Variants in SNRNP70 observed in about 807,000 individuals in gnomAD.
SNRNP70 encodes the protein small nuclear ribonucleoprotein U1 subunit 70, also known as U1 small nuclear ribonucleoprotein 70 kDa.
A neutral mutation model predicts 50.5 loss-of-function variants in SNRNP70; 8 were observed. That is an observed-to-expected ratio of 0.16 (90% CI 0.09 to 0.29). The LOEUF is 0.29. Among genes scored for constraint, SNRNP70 ranks in the 10% least tolerant of loss-of-function variants. SNRNP70 has a pLI of 1.00. For synonymous variants in SNRNP70, 320 were observed against 252.9 expected (o/e 1.27, Z -2.52); for missense variants, 529 against 663.5 (o/e 0.80, Z 2.23).
chr19:49,089,772 C>T (rs1038926826), intron 2 of SNRNP70, among the ~76,000 whole-genome samples: 2 of 147,344 alleles, frequency 1.4e-5, no homozygotes, highest in African/African-American at 2.5e-5. Context: ...ATGCCATTCT[C>T]CTGCCTCAGC....
intron 4 of SNRNP70, among the ~76,000 whole-genome samples, chr19:49,092,076 C>CT (rs1376538142): frequency 2.0e-5 from 3 of 152,100 alleles, no homozygotes; most frequent in Non-Finnish European, 4.4e-5. Context: ...CAGTCACAGT[C>CT]TTAACTAGTT....
chr19:49,098,273 G>A (rs777843455), intron 4 of SNRNP70, among the ~76,000 whole-genome samples, 154 bp from the exon 5 acceptor site: 3 of 152,164 alleles, frequency 2.0e-5, no homozygotes, highest in Non-Finnish European at 2.9e-5. Context: ...AGAGAGGGGC[G>A]TCCCTGAGGT....
At position 49,107,497 on chromosome 19, in the gene SNRNP70, G is replaced by T. The variant is rs753868640; in HGVS notation, c.578-128G>T. The T allele has an allele frequency of 1.3e-5, 10 of 799,936 alleles. No homozygotes were observed. Among genetic ancestry groups the T allele is most frequent in the South Asian group, 4.7e-5 (3 of 63,292 alleles). 49.6% of individuals were successfully genotyped at this position (799,936 alleles called of 1,614,324 possible). A position where few individuals can be genotyped will look rare whatever the true frequency, so the allele number is the denominator to read the frequency against. ...GTGCGCGGGATGAACTGCACGGGGG[G>T]ACCCGGCCCTGTGAACACTAAGCCA... On this transcript the variant is annotated intron_variant, in intron 8 of 9. Transcript: ENST00000598441. The surrounding 1 kb of genome is among the most constrained non-coding windows in gnomAD (Gnocchi z 6.0).
intron 1 of SNRNP70, 104 bp downstream of exon 1, chr19:49,085,740 G>A (rs935321480): frequency 2.3e-6 from 1 of 433,364 alleles, no homozygotes; most frequent in South Asian, 1.6e-5. Context: ...CCTTTCCCGC[G>A]TCCCCGCCAC....
intron 7 of SNRNP70, chr19:49,103,926 C>T (rs1245497424): frequency 6.6e-6 from 1 of 152,164 alleles, no homozygotes; most frequent in Admixed American, 6.6e-5. Flanking sequence ...GAGGCAGAGT[C>T]AGTCGTCTCA....
chr19:49,091,850 C>T (rs1308954108), intron 4 of SNRNP70, among the ~76,000 whole-genome samples: 1 of 152,204 alleles, frequency 6.6e-6, no homozygotes, highest in East Asian at 1.9e-4. Flanking sequence ...TCGCCACCAA[C>T]CTGGTTTCCT....
intron 8 of SNRNP70, among the ~76,000 whole-genome samples, chr19:49,106,835 G>A (rs1303657715): frequency 6.6e-6 from 1 of 152,164 alleles, no homozygotes; most frequent in East Asian, 1.9e-4. Flanking sequence ...TTCTATACCA[G>A]CTGCAGCGCC....
At chr19:49,097,808 A>T (rs2040531703) in intron 4 of SNRNP70, among the ~76,000 whole-genome samples, 1 of 152,336 alleles carries the variant, frequency 6.6e-6, no homozygotes, top group Admixed American at 6.5e-5. Context: ...TTTGCCTCAC[A>T]GTAGTGAGGC....
At chr19:49,100,821 A>C (rs1335779246) in intron 6 of SNRNP70, among the ~76,000 whole-genome samples, 1 of 151,770 alleles carries the variant, frequency 6.6e-6, no homozygotes, top group Non-Finnish European at 1.5e-5. Context: ...AAAAAAAAAA[A>C]AAAAAGAATT....
chr19:49,098,755 C>A (rs747896304), intron 6 of SNRNP70, 51 bp downstream of exon 6: 1 of 1,458,818 alleles, frequency 6.9e-7, no homozygotes, highest in Non-Finnish European at 9.6e-7. Flanking sequence ...GGAGGAGGGG[C>A]TGTATCCTGA....
chr19:49,097,103 C>G (rs892741733), intron 4 of SNRNP70, among the ~76,000 whole-genome samples: 1 of 151,910 alleles, frequency 6.6e-6, no homozygotes, highest in African/African-American at 2.4e-5. Context: ...GCACTTTAAG[C>G]CTGGGCAACA....
Position 49,089,958 on chromosome 19 carries a change from G to A in SNRNP70, c.148-333G>A, listed in dbSNP as rs150059457. Among the ~76,000 whole-genome samples the A allele has an allele frequency of 9.2e-5, 14 of 152,026 alleles. No individual in the cohort carries two copies. The East Asian group carries it at 1.9e-3, about 21-fold the overall frequency. The stretch of plus-strand genomic sequence containing the variant: ...GATTACAGGCGTGTGCACTGCACCC[G>A]GCCTTTACACCTGGCTAATTTTTAA... On this transcript the variant is annotated intron_variant, in intron 2 of 9. Transcript: ENST00000598441.
chr19:49,097,766 G>T (rs763699375), intron 4 of SNRNP70, among the ~76,000 whole-genome samples: 2 of 152,226 alleles, frequency 1.3e-5, no homozygotes, highest in Non-Finnish European at 2.9e-5. Context: ...TTTCTTTGGA[G>T]ATTGTTATTC....
At chr19:49,088,198 A>C (rs1250101618) in intron 2 of SNRNP70, among the ~76,000 whole-genome samples, 2 of 103,284 alleles carry the variant, frequency 1.9e-5, no homozygotes, top group Non-Finnish European at 4.0e-5. Context: ...GGAGCCAGGT[A>C]CTTTTTTTTT....
chr19:49,088,562 T>C (rs1163268066), intron 2 of SNRNP70, among the ~76,000 whole-genome samples: 1 of 148,690 alleles, frequency 6.7e-6, no homozygotes, highest in East Asian at 2.0e-4. Context: ...AGTGGCGTGA[T>C]CTAGGCTCAC....
At chr19:49,098,374 T>C in intron 4 of SNRNP70, 53 bp from the exon 5 acceptor site, 1 of 1,429,352 alleles carries the variant, frequency 7.0e-7, no homozygotes. Flanking sequence ...TTTGTTTTGC[T>C]ACCTGAGACC....
chr19:49,102,363 T>C, intron 7 of SNRNP70: 2 of 321,354 alleles, frequency 6.2e-6, no homozygotes, highest in South Asian at 4.7e-5. Context: ...GTATGCTCTC[T>C]GAGAATCTTG....
intron 4 of SNRNP70, among the ~76,000 whole-genome samples, chr19:49,092,822 A>T (rs1035782277): frequency 6.6e-6 from 1 of 151,582 alleles, no homozygotes; most frequent in African/African-American, 2.4e-5. Flanking sequence ...GCTGGTCTTG[A>T]ATTCCTGGGC....
chr19:49,106,109 G>A (rs1225156774), intron 8 of SNRNP70, among the ~76,000 whole-genome samples: 2 of 152,140 alleles, frequency 1.3e-5, no homozygotes, highest in East Asian at 1.9e-4. Context: ...CTCTGGACTC[G>A]CCTGTGCTAG....
Sources: gnomAD v4.1 joint callset for allele counts (sites outside exome capture counted in the v4.1 genomes callset) on GRCh38, gnomAD v4.1.1 for gene constraint, Gnocchi (gnomAD v3.1) non-coding constraint, MANE v1.5 for transcripts, NCBI Gene and HGNC (gene_info 2026-07-23, HGNC 2026-07-21) for gene names.